Variants in GLRB observed in about 807,000 individuals in gnomAD.
The protein encoded by GLRB is glycine receptor subunit beta.
Under a neutral mutation model 54.2 loss-of-function variants are expected in GLRB, and 33 were observed. The observed-to-expected ratio is 0.61, with a 90% CI of 0.46 to 0.81. The LOEUF (loss-of-function observed/expected upper bound fraction) is 0.81, where lower values mean the gene tolerates loss of function less well. GLRB is among the 40% of genes least tolerant of loss of function. GLRB has a pLI of 0.00. For missense variants in GLRB, 572 were observed against 584.6 expected (o/e 0.98, Z 0.22); for synonymous variants, 209 against 208.2 (o/e 1.00, Z -0.03).
chr4:157,078,168 T>C (rs2126409310), intron 2 of GLRB, 22 bp downstream of exon 2: 1 of 1,610,758 alleles, frequency 6.2e-7, no homozygotes, highest in Admixed American at 1.7e-5. Context: ...ATGTCTTATA[T>C]TCTTATATGG....
chr4:157,120,521 A>T, intron 2 of GLRB, 35 bp from the exon 3 acceptor site: 1 of 1,140,432 alleles, frequency 8.8e-7, no homozygotes, highest in Non-Finnish European at 1.3e-6. Context: ...TTTGCTATTT[A>T]TAACTACTTA....
chr4:157,155,857 C>T (rs1737207316), intron 9 of GLRB, among the ~76,000 whole-genome samples: 2 of 152,122 alleles, frequency 1.3e-5, no homozygotes, highest in African/African-American at 2.4e-5. Context: ...GAGTTTTCAG[C>T]TATTATTTCT....
chr4:157,078,750 A>G (rs983986597), intron 2 of GLRB, among the ~76,000 whole-genome samples: 2 of 152,124 alleles, frequency 1.3e-5, no homozygotes, highest in African/African-American at 2.4e-5. Context: ...TCCCCCACAA[A>G]AGACAAAGTT....
rs528510544 is a variant in GLRB at position 157,168,115 on chromosome 4, A to G, written c.1198-2317A>G. Among the ~76,000 whole-genome samples the G allele has an allele frequency of 1.2e-3, 177 of 145,264 alleles. 1 individual carries two copies. Among genetic ancestry groups the G allele is most frequent in the African/African-American group, 4.2e-3 (166 of 39,972 alleles). ...ATCCAAACCACATCAACCAGTTCCT[A>G]TTTTTTTTTTTTTGTCAGACATTTT... On this transcript the variant is annotated intron_variant, in intron 9 of 9. Transcript: ENST00000264428.
intron 2 of GLRB, among the ~76,000 whole-genome samples, chr4:157,093,016 G>C (rs529652970): frequency 1.2e-4 from 19 of 152,106 alleles, no homozygotes; most frequent in African/African-American, 4.3e-4. Context: ...TAATGTTCTT[G>C]CCACTATATT....
chr4:157,090,328 GA>G (rs558426946), intron 2 of GLRB, among the ~76,000 whole-genome samples: 48 of 152,182 alleles, frequency 3.2e-4, no homozygotes, highest in African/African-American at 1.1e-3. Flanking sequence ...TTTTCAAAAA[GA>G]AAAAAATTAA....
At chr4:157,131,865 C>T (rs1001592258) in intron 4 of GLRB, among the ~76,000 whole-genome samples, 1 of 151,770 alleles carries the variant, frequency 6.6e-6, no homozygotes, top group Non-Finnish European at 1.5e-5. Context: ...AATAAAACTA[C>T]AATAAACATC....
rs529722283 is a variant in GLRB at position 157,120,299 on chromosome 4, G to A, written c.123-257G>A. ...CCTAATGCTAAATGACAAGTTAATG[G>A]GTGCAGCACACCAGCATGGCACATG... On this transcript the variant is annotated intron_variant, in intron 2 of 9. Coordinates refer to ENST00000264428, the MANE Select transcript of GLRB (RefSeq NM_000824.5). 1.2e-3 allele frequency among the ~76,000 whole-genome samples: 186 copies of A among 149,294 alleles called. 1 individual carries two copies. The highest frequency in any genetic ancestry group is 4.4e-3 in the African/African-American group (179 of 40,574).
chr4:157,105,766 G>A lies in GLRB; in HGVS notation c.123-14790G>A, dbSNP rs184990937. Among the ~76,000 whole-genome samples, 7 of 151,892 alleles carry A rather than the reference G, an allele frequency of 4.6e-5. No homozygotes were observed. The East Asian group carries it at 1.4e-3, about 29-fold the overall frequency. On this transcript the variant is annotated intron_variant, in intron 2 of 9. Transcript: ENST00000264428. Reference sequence around the variant, plus strand: ...ATTTACCCTTTTATCATTATGTAATGTTTTTCTTTGTCTTCTATGATAATA... The same window carrying A: ...ATTTACCCTTTTATCATTATGTAATATTTTTCTTTGTCTTCTATGATAATA...
intron 2 of GLRB, among the ~76,000 whole-genome samples, chr4:157,111,860 T>C (rs898495698): frequency 3.3e-5 from 5 of 152,024 alleles, no homozygotes; most frequent in Non-Finnish European, 2.9e-5. Flanking sequence ...CTGAATCCCA[T>C]GGAAAGCTTT....
At chr4:157,162,675 C>G (rs1375812623) in intron 9 of GLRB, among the ~76,000 whole-genome samples, 1 of 152,162 alleles carries the variant, frequency 6.6e-6, no homozygotes, top group Admixed American at 6.5e-5. Flanking sequence ...GCAAATGTTG[C>G]TGCCTGATCC....
At chr4:157,167,181 T>A (rs921065896) in intron 9 of GLRB, among the ~76,000 whole-genome samples, 28 of 152,144 alleles carry the variant, frequency 1.8e-4, no homozygotes, top group African/African-American at 6.8e-4. Context: ...AAAGCCTTTA[T>A]AATGGGGAAT....
chr4:157,170,627 G>T lies in GLRB; in HGVS notation c.1393G>T (p.Val465Phe). ...CAAGAAGCCTCCCCCTGCGAAACCTGTTATTCCAACAGCAGCAAAGCGAAT... is the reference window on the plus strand; with the variant it reads ...CAAGAAGCCTCCCCCTGCGAAACCTTTTATTCCAACAGCAGCAAAGCGAAT... ...NNKKPPPAKP[V>F]IPTAAKRIDL... The change falls in exon 10 of 10, where the codon GTT becomes TTT. Residue 465 changes from valine (V) to phenylalanine (F), a missense_variant. Transcript: ENST00000264428. 6.2e-7 allele frequency: 1 copy of T among 1,612,496 alleles called. No individual in the cohort carries two copies.
At chr4:157,131,603 T>G (rs1417794023) in intron 4 of GLRB, among the ~76,000 whole-genome samples, 1 of 151,764 alleles carries the variant, frequency 6.6e-6, no homozygotes, top group Non-Finnish European at 1.5e-5. Flanking sequence ...CCTCTCTAAA[T>G]TCTGGAACCA....
intron 9 of GLRB, 118 bp from the exon 10 acceptor site, chr4:157,170,313 CT>C: frequency 1.5e-6 from 1 of 661,232 alleles, no homozygotes; most frequent in African/African-American, 1.8e-5. Context: ...TCTGTTAGTT[CT>C]TTGTGACATA....
chr4:157,113,858 G>T (rs1022280423), intron 2 of GLRB, among the ~76,000 whole-genome samples: 9 of 151,760 alleles, frequency 5.9e-5, no homozygotes, highest in Non-Finnish European at 1.3e-4. Flanking sequence ...TCATGTAAAA[G>T]GTATCACTCA....
At chr4:157,115,867 C>G (rs1360005933) in intron 2 of GLRB, among the ~76,000 whole-genome samples, 3 of 151,834 alleles carry the variant, frequency 2.0e-5, no homozygotes, top group African/African-American at 4.8e-5. Flanking sequence ...CTGCGCAGCC[C>G]CACACTTACT....
intron 4 of GLRB, among the ~76,000 whole-genome samples, chr4:157,133,789 A>C (rs989083646): frequency 5.3e-5 from 8 of 152,032 alleles, no homozygotes; most frequent in Admixed American, 1.3e-4. Context: ...GCTTAGACTT[A>C]ATATACTGAT....
chr4:157,112,294 A>G (rs1489320131), intron 2 of GLRB, among the ~76,000 whole-genome samples: 1 of 151,516 alleles, frequency 6.6e-6, no homozygotes, highest in Non-Finnish European at 1.5e-5. Context: ...AATTTATCTA[A>G]ACTCACAGCT....
Sources: allele counts gnomAD v4.1 joint callset (sites outside exome capture counted in the v4.1 genomes callset), GRCh38; gene constraint gnomAD v4.1.1; transcripts MANE v1.5; gene names NCBI Gene and HGNC (gene_info 2026-07-23, HGNC 2026-07-21).